Variants in CLDN16 observed in about 807,000 individuals in gnomAD.
The protein encoded by CLDN16 is claudin-16.
In CLDN16, 13 loss-of-function variants were observed where a neutral mutation model predicts 24.6. The observed-to-expected ratio is 0.53, with a 90% confidence interval of 0.34 to 0.84. The LOEUF is 0.84. CLDN16 is among the 40% of genes least tolerant of loss of function. The probability of loss-of-function intolerance (pLI) is 0.01; values close to 1 mark genes in which losing one functional copy is unlikely to be tolerated. For missense variants in CLDN16, 298 were observed against 292.7 expected (o/e 1.02, Z -0.13); for synonymous variants, 116 against 106.7 (o/e 1.09, Z -0.54).
chr3:190,389,793 G>A (rs1222706845), intron 1 of CLDN16, among the ~76,000 whole-genome samples: 1 of 152,172 alleles, frequency 6.6e-6, no homozygotes, highest in Non-Finnish European at 1.5e-5. Context: ...CCATTATCTA[G>A]ATGGCCAGTG....
chr3:190,320,506 T>C (rs904083593), upstream of CLDN16, among the ~76,000 whole-genome samples: 10 of 152,234 alleles, frequency 6.6e-5, no homozygotes, highest in Admixed American at 5.2e-4. Context: ...AACTTATGGA[T>C]TGGTTTTGGT....
At chr3:190,299,099 A>G in the CLDN16 span, among the ~76,000 whole-genome samples, 1 of 152,210 alleles carries the variant, frequency 6.6e-6, no homozygotes, top group Non-Finnish European at 1.5e-5. Flanking sequence ...GATGCATATC[A>G]GACATCTTAT....
intron 1 of CLDN16, among the ~76,000 whole-genome samples, chr3:190,390,970 A>G (rs1347757143): frequency 6.6e-6 from 1 of 151,956 alleles, no homozygotes; most frequent in Non-Finnish European, 1.5e-5. Context: ...AATTTTTTGT[A>G]AGAACAAGGA....
intron 1 of CLDN16, among the ~76,000 whole-genome samples, chr3:190,331,214 C>CA: frequency 6.6e-6 from 1 of 152,292 alleles, no homozygotes; most frequent in African/African-American, 2.4e-5. Context: ...AATTTGAATG[C>CA]AAACAGTGAT....
chr3:190,368,249 A>C (rs1050483329), intron 1 of CLDN16, among the ~76,000 whole-genome samples: 1 of 151,916 alleles, frequency 6.6e-6, no homozygotes, highest in African/African-American at 2.4e-5. Flanking sequence ...GTCCCTCTGA[A>C]CACTCTGTGG....
rs150016749 is a variant in CLDN16 at position 190,347,129 on chromosome 3, T to C, written n.122-23764T>C. 1.3e-3 allele frequency among the ~76,000 whole-genome samples: 199 copies of C among 152,188 alleles called. 1 individual carries two copies. Among genetic ancestry groups the C allele is most frequent in the African/African-American group, 4.6e-3 (190 of 41,506 alleles). ...AATATGTCCAAGGTCACAAAGCTAA[T>C]ATGTGGCAGAGACGATTGACAGAGA... On this transcript the variant is annotated intron_variant and non_coding_transcript_variant, in intron 1 of 4. Transcript: ENST00000468220.
At chr3:190,294,232 A>G in the CLDN16 span, among the ~76,000 whole-genome samples, 2 of 152,162 alleles carry the variant, frequency 1.3e-5, no homozygotes, top group Non-Finnish European at 2.9e-5. Flanking sequence ...TTACACATCT[A>G]AGTTCTGACC....
chr3:190,394,984 A>G (rs1336343785), intron 1 of CLDN16, among the ~76,000 whole-genome samples: 1 of 152,148 alleles, frequency 6.6e-6, no homozygotes. Flanking sequence ...AAAGAGAGAA[A>G]TAAAGAAAAC....
At chr3:190,408,548 C>T (rs568108610) in intron 4 of CLDN16, 43 bp downstream of exon 4, 10 of 1,553,972 alleles carry the variant, frequency 6.4e-6, no homozygotes, top group East Asian at 2.2e-5. Flanking sequence ...CCTCCACTAT[C>T]GTTTTTCCCA....
upstream of CLDN16, among the ~76,000 whole-genome samples, chr3:190,386,817 A>G (rs2108657058): frequency 6.6e-6 from 1 of 152,356 alleles, no homozygotes; most frequent in Admixed American, 6.5e-5. Context: ...ATATACTTGA[A>G]TAAAATGAAT....
chr3:190,387,177 T>G (rs1462586272), upstream of CLDN16, among the ~76,000 whole-genome samples: 1 of 152,166 alleles, frequency 6.6e-6, no homozygotes, highest in African/African-American at 2.4e-5. Flanking sequence ...TATATAGAAG[T>G]CTACCTGATG....
the CLDN16 span, among the ~76,000 whole-genome samples, chr3:190,295,303 A>G: frequency 6.6e-6 from 1 of 152,184 alleles, no homozygotes; most frequent in Admixed American, 6.5e-5. Flanking sequence ...CTCAGAGAAA[A>G]AAAGCATGAA....
Position 190,410,254 on chromosome 3 carries a change from A to T in CLDN16, c.*218A>T. 1 of 553,566 alleles carries T rather than the reference A, an allele frequency of 1.8e-6. No homozygotes were observed. Among genetic ancestry groups the T allele is most frequent in the Non-Finnish European group, 3.2e-6 (1 of 311,324 alleles). 34.3% of individuals were successfully genotyped at this position (553,566 alleles called of 1,614,324 possible). A position where few individuals can be genotyped will look rare whatever the true frequency, so the allele number is the denominator to read the frequency against. The stretch of plus-strand genomic sequence containing the variant: ...TGCTAACCTTCCACCTTATGCACAC[A>T]CTTTCCCTATATTTTAAGATAAGTC... On this transcript the variant is annotated 3_prime_UTR_variant, in exon 5 of 5. Transcript: ENST00000264734.
intron 1 of CLDN16, among the ~76,000 whole-genome samples, chr3:190,350,594 T>A (rs1717652033): frequency 6.6e-6 from 1 of 152,126 alleles, no homozygotes; most frequent in Non-Finnish European, 1.5e-5. Context: ...TGTACAAGGA[T>A]GAATTTCAGC....
At chr3:190,406,209 C>T (rs1719094188) in intron 3 of CLDN16, among the ~76,000 whole-genome samples, 1 of 152,162 alleles carries the variant, frequency 6.6e-6, no homozygotes, top group Non-Finnish European at 1.5e-5. Flanking sequence ...CTTGGGCCTC[C>T]CTGACTTTTG....
At chr3:190,354,814 A>T (rs1165682070) in intron 1 of CLDN16, among the ~76,000 whole-genome samples, 1 of 152,048 alleles carries the variant, frequency 6.6e-6, no homozygotes, top group African/African-American at 2.4e-5. Context: ...AGGGTTGAAT[A>T]CCCTGAACTT....
At chr3:190,316,763 C>A in the CLDN16 span, among the ~76,000 whole-genome samples, 1 of 152,132 alleles carries the variant, frequency 6.6e-6, no homozygotes, top group African/African-American at 2.4e-5. Flanking sequence ...TAGAACATGT[C>A]TTTATCCTTT....
At chr3:190,363,556 G>GCATATA (rs1560088011) in intron 1 of CLDN16, among the ~76,000 whole-genome samples, 3 of 87,426 alleles carry the variant, frequency 3.4e-5, no homozygotes, top group South Asian at 3.7e-4. Flanking sequence ...GTGTGTGTGT[G>GCATATA]TATATATATA....
intron 1 of CLDN16, among the ~76,000 whole-genome samples, chr3:190,363,123 T>C (rs1383622987): frequency 2.0e-5 from 3 of 152,000 alleles, no homozygotes; most frequent in African/African-American, 7.2e-5. Context: ...GCACTAATTT[T>C]TCTCCAGAAT....
Sources: allele counts gnomAD v4.1 joint callset (sites outside exome capture counted in the v4.1 genomes callset), GRCh38; gene constraint gnomAD v4.1.1; transcripts MANE v1.5; gene names NCBI Gene and HGNC (gene_info 2026-07-23, HGNC 2026-07-21).